KIFC3: variants seen among roughly 807,000 people sequenced by gnomAD.
KIFC3 encodes kinesin family member C3.
Under a neutral mutation model 101.8 loss-of-function variants are expected in KIFC3, and 60 were observed. The observed-to-expected ratio is 0.59, with a 90% CI of 0.48 to 0.73. The LOEUF is 0.73. Among genes scored for constraint, KIFC3 ranks in the 30% least tolerant of loss-of-function variants. KIFC3 has a pLI of 0.00. For missense variants in KIFC3, 966 were observed against 1,137.1 expected (o/e 0.85, Z 2.16); for synonymous variants, 476 against 482.7 (o/e 0.99, Z 0.18).
At chr16:57,838,512 C>T (rs762957016) in intron 1 of KIFC3, among the ~76,000 whole-genome samples, 1 of 152,128 alleles carries the variant, frequency 6.6e-6, no homozygotes, top group Non-Finnish European at 1.5e-5. Context: ...ACCAAGCACA[C>T]GTAGACAAGA....
chr16:57,783,382 T>C (rs555710072), intron 3 of KIFC3, among the ~76,000 whole-genome samples: 2 of 151,728 alleles, frequency 1.3e-5, no homozygotes, highest in African/African-American at 4.8e-5. Flanking sequence ...GCCACCTTAA[T>C]ATACTTACCA....
At chr16:57,761,717 CT>C (rs2049880011) in intron 13 of KIFC3, among the ~76,000 whole-genome samples, 181 bp from the exon 14 acceptor site, 1 of 151,270 alleles carries the variant, frequency 6.6e-6, no homozygotes, top group Admixed American at 6.6e-5. Flanking sequence ...GGAGATCTCA[CT>C]CCACAATACA....
At chr16:57,825,241 C>G (rs1360575495) in intron 1 of KIFC3, among the ~76,000 whole-genome samples, 1 of 152,222 alleles carries the variant, frequency 6.6e-6, no homozygotes, top group African/African-American at 2.4e-5. Context: ...GAGGCACCAC[C>G]ATCAGTCCTC....
intron 1 of KIFC3, among the ~76,000 whole-genome samples, chr16:57,847,760 T>G (rs1369037779): frequency 2.1e-5 from 3 of 139,708 alleles, no homozygotes; most frequent in Non-Finnish European, 3.1e-5. Context: ...CCAGATGAAT[T>G]TGTGTGTGTG....
intron 1 of KIFC3, chr16:57,813,835 C>T: frequency 2.0e-6 from 2 of 985,428 alleles, no homozygotes; most frequent in Non-Finnish European, 2.4e-6. Context: ...GAAGACAGAA[C>T]CCCATGCTCT....
intron 3 of KIFC3, among the ~76,000 whole-genome samples, chr16:57,777,499 T>C (rs2052241841): frequency 6.6e-6 from 1 of 151,762 alleles, no homozygotes; most frequent in Non-Finnish European, 1.5e-5. Flanking sequence ...GGCAGGCGGA[T>C]CACCTGAGGT....
Position 57,769,509 on chromosome 16 carries a change from C to T in KIFC3, c.1218+86G>A. ...TGCTGTCTGAGCGGCTTTGTCTGAGCTTTGGAGGGACGCCCTGAGTGGATG... is the reference window on the plus strand; with the variant it reads ...TGCTGTCTGAGCGGCTTTGTCTGAGTTTTGGAGGGACGCCCTGAGTGGATG... On this transcript the variant is annotated intron_variant, in intron 9 of 19. Coordinates refer to ENST00000445690, the MANE Select transcript of KIFC3 (RefSeq NM_001130100.2). The surrounding 1 kb of genome is among the most constrained non-coding windows in gnomAD (Gnocchi z 4.3). The T allele has an allele frequency of 1.3e-6, 2 of 1,516,564 alleles. No individual in the cohort carries two copies. Among genetic ancestry groups the T allele is most frequent in the Non-Finnish European group, 1.8e-6 (2 of 1,128,468 alleles). 93.9% of individuals were successfully genotyped at this position (1,516,564 alleles called of 1,614,324 possible).
intron 1 of KIFC3, among the ~76,000 whole-genome samples, chr16:57,839,302 G>A (rs2055756279): frequency 6.6e-6 from 1 of 152,184 alleles, no homozygotes; most frequent in South Asian, 2.1e-4. Context: ...ACTTTGGGGA[G>A]GCCAAGGCGG....
chr16:57,824,995 A>C (rs946658684), intron 1 of KIFC3, among the ~76,000 whole-genome samples: 2 of 152,114 alleles, frequency 1.3e-5, no homozygotes, highest in African/African-American at 4.8e-5. Context: ...TCCCAAGCCT[A>C]CTCAGATATC....
intron 1 of KIFC3, among the ~76,000 whole-genome samples, chr16:57,850,987 TTCCTTCCTTCCCTCCCTCCC>T (rs2056045406): frequency 1.6e-5 from 2 of 121,688 alleles, no homozygotes; most frequent in Non-Finnish European, 3.4e-5. Context: ...CCTTCCTTCC[TTCCTTCCTTCCCTCCCTCCC>T]TCCTTTCCTT....
intron 3 of KIFC3, chr16:57,775,843 G>C (rs572919913): frequency 3.0e-6 from 3 of 985,482 alleles, no homozygotes; most frequent in South Asian, 4.7e-5. Context: ...GGCTGAGGAC[G>C]GACCAGGCTG....
chr16:57,789,155 C>T (rs886263879), intron 3 of KIFC3, among the ~76,000 whole-genome samples: 11 of 152,184 alleles, frequency 7.2e-5, no homozygotes, highest in African/African-American at 1.9e-4. Context: ...CACACAGCCC[C>T]GCATCTCCAG....
chr16:57,833,469 T>C (rs1394444548), intron 1 of KIFC3, among the ~76,000 whole-genome samples: 1 of 152,258 alleles, frequency 6.6e-6, no homozygotes, highest in East Asian at 1.9e-4. Flanking sequence ...AGCCCTGCAC[T>C]GGGGAGCAGA....
At chr16:57,772,984 T>C (rs557231531) in intron 3 of KIFC3, among the ~76,000 whole-genome samples, 34 of 152,292 alleles carry the variant, frequency 2.2e-4, no homozygotes, top group African/African-American at 8.2e-4. Context: ...GCCAGTCCCA[T>C]GAGGGCAGAT....
chr16:57,775,151 C>T, intron 3 of KIFC3: 2 of 1,366,166 alleles, frequency 1.5e-6, no homozygotes, highest in East Asian at 2.9e-5. Context: ...GGCTCCTGGG[C>T]TCTGTCCAGA....
intron 1 of KIFC3, among the ~76,000 whole-genome samples, chr16:57,829,392 C>T (rs1170514493): frequency 6.6e-6 from 1 of 151,900 alleles, no homozygotes; most frequent in Non-Finnish European, 1.5e-5. Context: ...TAGCTGAAAC[C>T]ACAGGCGTGT....
chr16:57,819,006 G>A (rs541919964), intron 1 of KIFC3, among the ~76,000 whole-genome samples: 114 of 152,332 alleles, frequency 7.5e-4, no homozygotes, highest in African/African-American at 2.5e-3. Flanking sequence ...CACGGAGTCT[G>A]GGGAGACAGT....
At chr16:57,773,414 C>T (rs1237508143) in intron 3 of KIFC3, among the ~76,000 whole-genome samples, 1 of 152,188 alleles carries the variant, frequency 6.6e-6, no homozygotes, top group African/African-American at 2.4e-5. Context: ...GAACGCACAC[C>T]CAGCATCGCC....
intron 10 of KIFC3, among the ~76,000 whole-genome samples, chr16:57,766,381 G>A (rs2050488468): frequency 6.6e-6 from 1 of 152,220 alleles, no homozygotes; most frequent in African/African-American, 2.4e-5. Flanking sequence ...GGGCAGGGTT[G>A]GGGTTCCCTG....
Sources: allele counts gnomAD v4.1 joint callset (sites outside exome capture counted in the v4.1 genomes callset), GRCh38; gene constraint gnomAD v4.1.1; non-coding constraint Gnocchi (gnomAD v3.1); transcripts MANE v1.5; gene names NCBI Gene and HGNC (gene_info 2026-07-23, HGNC 2026-07-21).